The following SHANK2 variants were observed in gnomAD, a reference collection of about 807,000 sequenced individuals.
SHANK2 encodes the protein SH3 and multiple ankyrin repeat domains protein 2.
Under a neutral mutation model 133.7 loss-of-function variants are expected in SHANK2, and 43 were observed. The ratio of observed to expected loss-of-function variants is 0.32; its 90% CI spans 0.25 to 0.41. The LOEUF (loss-of-function observed/expected upper bound fraction) is 0.41, where lower values mean the gene tolerates loss of function less well. Among genes scored for constraint, SHANK2 ranks in the 10% least tolerant of loss-of-function variants. The pLI is 1.00. For synonymous variants in SHANK2, 1,017 were observed against 952.8 expected (o/e 1.07, Z -1.24); for missense variants, 1,994 against 2,235.8 (o/e 0.89, Z 2.18).
intron 14 of SHANK2, among the ~76,000 whole-genome samples, chr11:70,737,838 G>A (rs1242131075): frequency 6.6e-6 from 1 of 152,248 alleles, no homozygotes; most frequent in African/African-American, 2.4e-5. Context: ...AAGGAGGCCC[G>A]TCATTTGCAA....
chr11:70,930,794 C>G (rs1166497542), intron 10 of SHANK2, among the ~76,000 whole-genome samples: 1 of 151,278 alleles, frequency 6.6e-6, no homozygotes, highest in Non-Finnish European at 1.5e-5. Context: ...CCTCACCCTC[C>G]CATGCAGCTG....
At chr11:71,193,243 T>C (rs1555115728) in intron 2 of SHANK2, among the ~76,000 whole-genome samples, 1 of 152,070 alleles carries the variant, frequency 6.6e-6, no homozygotes, top group Non-Finnish European at 1.5e-5. Context: ...AGGGCTTCTG[T>C]GGTGGGTCTG....
chr11:70,812,994 T>C (rs1046834503), intron 12 of SHANK2, among the ~76,000 whole-genome samples: 9 of 152,184 alleles, frequency 5.9e-5, no homozygotes, highest in African/African-American at 1.7e-4. Context: ...TACTGACCTT[T>C]CTCCATTCAT....
intron 11 of SHANK2, among the ~76,000 whole-genome samples, chr11:70,892,768 G>A (rs547117691): frequency 6.6e-6 from 1 of 152,218 alleles, no homozygotes; most frequent in East Asian, 1.9e-4. Context: ...ATCCCTGATG[G>A]GGGTCTTGGT....
chr11:70,902,157 G>A (rs782811362), intron 10 of SHANK2, among the ~76,000 whole-genome samples: 15 of 152,348 alleles, frequency 9.8e-5, no homozygotes, highest in Non-Finnish European at 1.8e-4. Flanking sequence ...AGCAGCAGGC[G>A]GCCACCCGGG....
At chr11:70,743,248 G>GC (rs199576510) in intron 14 of SHANK2, among the ~76,000 whole-genome samples, 74 of 152,094 alleles carry the variant, frequency 4.9e-4, no homozygotes, top group East Asian at 1.7e-3. Flanking sequence ...ACGTCTGCGT[G>GC]CCCCCCCCAG....
rs1259441092 is a variant in SHANK2 at position 71,141,654 on chromosome 11, G to A, written c.207+5466C>T. Reference sequence around the variant, plus strand: ...TACTCAGTCTCCGGTAGTTAGCAGCGTCGTTATTACCAGCATGAGAATGGG... The same window carrying A: ...TACTCAGTCTCCGGTAGTTAGCAGCATCGTTATTACCAGCATGAGAATGGG... On this transcript the variant is annotated intron_variant, in intron 3 of 25. Transcript: ENST00000601538. Among the ~76,000 whole-genome samples the A allele has an allele frequency of 4.6e-5, 7 of 152,038 alleles. No homozygotes were observed. In the East Asian group the frequency reaches 5.8e-4, roughly 13 times the overall value.
rs1288915499 is a variant in SHANK2 at position 70,471,275 on chromosome 11, A to C, written c.*1594T>G. On this transcript the variant is annotated 3_prime_UTR_variant, in exon 26 of 26. Coordinates refer to ENST00000601538, the MANE Select transcript of SHANK2 (RefSeq NM_012309.5). This position sits in a 1 kb window ranked among gnomAD's most constrained non-coding sequence, Gnocchi z 4.1. ...ATCAAGAAAAAAAGGAAAAAAAAAAAACAAAACCATGTTTTATAATTAGAG... is the reference window on the plus strand; with the variant it reads ...ATCAAGAAAAAAAGGAAAAAAAAAACACAAAACCATGTTTTATAATTAGAG... 9 of 398,880 alleles carry C rather than the reference A, an allele frequency of 2.3e-5. No homozygotes were observed. Among genetic ancestry groups the C allele is most frequent in the African/African-American group, 6.2e-5 (3 of 48,630 alleles). The allele number at this position is 398,880 out of a possible 1,614,324, so 24.7% of individuals were successfully genotyped here.
intron 11 of SHANK2, among the ~76,000 whole-genome samples, chr11:70,855,517 G>C (rs1949155494): frequency 6.6e-6 from 1 of 152,200 alleles, no homozygotes; most frequent in African/African-American, 2.4e-5. Flanking sequence ...CAATGTTATA[G>C]CTCTGACCAG....
intron 8 of SHANK2, among the ~76,000 whole-genome samples, chr11:71,091,657 A>G (rs782256401): frequency 1.4e-4 from 22 of 151,812 alleles, no homozygotes; most frequent in Non-Finnish European, 2.6e-4. Flanking sequence ...GCACTCCCTC[A>G]CTGTCCTCCA....
At chr11:70,711,971 C>T (rs1270818005) in intron 14 of SHANK2, among the ~76,000 whole-genome samples, 1 of 152,174 alleles carries the variant, frequency 6.6e-6, no homozygotes, top group Non-Finnish European at 1.5e-5. Context: ...GACGACCAGG[C>T]TCGGTGGCCT....
intron 2 of SHANK2, among the ~76,000 whole-genome samples, chr11:71,162,590 T>C (rs1953043480): frequency 6.6e-6 from 1 of 152,224 alleles, no homozygotes. Flanking sequence ...TACGTTGGCA[T>C]GTGACAGTGA....
At chr11:70,669,911 C>A (rs143346174) in intron 15 of SHANK2, among the ~76,000 whole-genome samples, 1 of 152,324 alleles carries the variant, frequency 6.6e-6, no homozygotes, top group African/African-American at 2.4e-5. Flanking sequence ...CACGGCCAAA[C>A]AAGTTCAAAG....
rs571457101 is a variant in SHANK2, at chr11:71,198,219, G to A, written c.-13+26478C>T. On this transcript the variant is annotated intron_variant, in intron 2 of 25. Transcript: ENST00000601538. Reference sequence around the variant, plus strand: ...TCGCCTCAGCATTCCAAAGTGCTGGGACTGCAGACATGAGCCACTGTACTC... The same window carrying A: ...TCGCCTCAGCATTCCAAAGTGCTGGAACTGCAGACATGAGCCACTGTACTC... 6.6e-5 allele frequency among the ~76,000 whole-genome samples: 10 copies of A among 152,288 alleles called. No homozygotes were observed. The South Asian group carries it at 2.1e-3, about 32-fold the overall frequency.
Position 71,188,453 on chromosome 11 carries a change from T to A in SHANK2, c.-13+36244A>T, listed in dbSNP as rs1953720381. Among the ~76,000 whole-genome samples, 1 of 152,046 alleles carries A rather than the reference T, an allele frequency of 6.6e-6. No individual in the cohort carries two copies. Reference sequence around the variant, plus strand: ...CTCCAGAAACAGAATCCCCTCCCTCTGGGGAGAAGGACTTCGGCGCAAGGG... The same window carrying A: ...CTCCAGAAACAGAATCCCCTCCCTCAGGGGAGAAGGACTTCGGCGCAAGGG... On this transcript the variant is annotated intron_variant, in intron 2 of 25. Transcript: ENST00000601538. The surrounding 1 kb of genome is among the most constrained non-coding windows in gnomAD (Gnocchi z 4.6).
chr11:70,502,317 C>T (rs2135823182), intron 18 of SHANK2, 31 bp from the exon 19 acceptor site: 1 of 1,541,022 alleles, frequency 6.5e-7, no homozygotes, highest in Non-Finnish European at 8.8e-7. Context: ...GGGTGTGAGA[C>T]CCCAGCCCAT....
intron 11 of SHANK2, among the ~76,000 whole-genome samples, chr11:70,893,178 GCTAA>G (rs1458254987): frequency 2.6e-5 from 4 of 152,244 alleles, no homozygotes; most frequent in Non-Finnish European, 5.9e-5. Context: ...CTTGGTAAGT[GCTAA>G]CTGTTTTCAC....
chr11:70,494,597 C>T (rs116604179), intron 21 of SHANK2, among the ~76,000 whole-genome samples: 2,073 of 152,220 alleles, frequency 0.014, 47 homozygotes, highest in African/African-American at 0.048. Flanking sequence ...CCCAGCCATA[C>T]ACTTTTAGTC....
chr11:70,703,680 C>G (rs1945593664), intron 14 of SHANK2, among the ~76,000 whole-genome samples: 1 of 152,232 alleles, frequency 6.6e-6, no homozygotes, highest in South Asian at 2.1e-4. Context: ...CCACACCAGC[C>G]TCCCTGTGCA....
Sources: allele counts gnomAD v4.1 joint callset (sites outside exome capture counted in the v4.1 genomes callset), GRCh38; gene constraint gnomAD v4.1.1; non-coding constraint Gnocchi (gnomAD v3.1); transcripts MANE v1.5; gene names NCBI Gene and HGNC (gene_info 2026-07-23, HGNC 2026-07-21).